ALG13: variants seen among roughly 807,000 people sequenced by gnomAD.
The protein encoded by ALG13 is UDP-N-acetylglucosamine transferase subunit ALG13.
A neutral mutation model predicts 87.8 loss-of-function variants in ALG13; 11 were observed. That is an observed-to-expected ratio of 0.13 (90% CI 0.08 to 0.21). ALG13 has a LOEUF of 0.21. Among genes scored for constraint, ALG13 ranks in the 10% least tolerant of loss-of-function variants. The pLI, the probability that ALG13 is intolerant of heterozygous loss-of-function variation, is 1.00. For synonymous variants in ALG13, 320 were observed against 306.3 expected (o/e 1.04, Z -0.47); for missense variants, 756 against 866.1 (o/e 0.87, Z 1.60).
intron 13 of ALG13, 98 bp downstream of exon 13, chrX:111,722,955 T>A: frequency 1.7e-6 from 1 of 581,301 alleles, no homozygotes; most frequent in Non-Finnish European, 2.7e-6. Context: ...CTAGAAACTT[T>A]TTATTTATAT....
intron 2 of ALG13, 93 bp downstream of exon 2, chrX:111,682,387 GGGCTTGTTACAAA>G: frequency 1.3e-6 from 1 of 742,053 alleles, no homozygotes. Context: ...CAGGATGTGC[GGGCTTGTTACAAA>G]GGTAAACGTG....
chrX:111,688,178 A>C, intron 3 of ALG13: 1 of 824,415 alleles, frequency 1.2e-6, no homozygotes, highest in Non-Finnish European at 1.5e-6. Flanking sequence ...CCAAATCCTA[A>C]TTGCAGTTTA....
chrX:111,758,832 G>C (rs1945491353), intron 26 of ALG13, among the ~76,000 whole-genome samples: 1 of 111,734 alleles, frequency 8.9e-6, no homozygotes, highest in African/African-American at 3.3e-5. Flanking sequence ...AGGTGCGGTG[G>C]TTCACGCCTA....
At chrX:111,719,368 A>G (rs193036317) in intron 10 of ALG13, among the ~76,000 whole-genome samples, 28 of 111,744 alleles carry the variant, frequency 2.5e-4, no homozygotes, top group African/African-American at 8.8e-4. Context: ...AGGAGTGGCA[A>G]CCATGTATTA....
intron 23 of ALG13, among the ~76,000 whole-genome samples, chrX:111,744,086 A>G (rs1944001716): frequency 9.0e-6 from 1 of 111,701 alleles, no homozygotes; most frequent in Non-Finnish European, 1.9e-5. Context: ...AAGCTATAGT[A>G]ACAGGTATAG....
intron 3 of ALG13, among the ~76,000 whole-genome samples, chrX:111,691,853 C>G (rs1443015924): frequency 8.9e-6 from 1 of 112,528 alleles, no homozygotes; most frequent in Admixed American, 9.4e-5. Context: ...GAAACTCTTT[C>G]AATTGGTTTA....
intron 24 of ALG13, among the ~76,000 whole-genome samples, chrX:111,746,988 G>A (rs965247322): frequency 6.3e-5 from 7 of 111,644 alleles, no homozygotes; most frequent in Admixed American, 4.8e-4. Flanking sequence ...CCACATGTCC[G>A]TAGCCTTCCA....
rs1939116478 is a variant in ALG13 at position 111,708,176 on chromosome X, C to T, written c.533C>T (p.Thr178Ile). ...YLHKQALVTA[T>I]HPTCTLLFPS... is the part of the protein sequence containing the mutation. The stretch of plus-strand genomic sequence containing the variant: ...CATAAGCAAGCCCTTGTTACTGCTA[C>T]CCATCCTACCTGCACCCTGCTTTTT... Residue 178 changes from threonine (T) to isoleucine (I), a missense_variant, in exon 4 of 27, where the codon ACC becomes ATC. Physicochemically the swap from Thr to Ile is moderately conservative, Grantham distance 89. This residue lies in a region of ALG13 where 153 missense variants were observed against 168.7 expected (regional missense o/e 0.91). Transcript: ENST00000394780. 2 of 1,209,922 alleles carry T rather than the reference C, an allele frequency of 1.7e-6. No individual in the cohort carries two copies. Among genetic ancestry groups the T allele is most frequent in the South Asian group, 3.5e-5 (2 of 56,841 alleles).
At chrX:111,700,243 T>C (rs887211261) in intron 3 of ALG13, among the ~76,000 whole-genome samples, 4 of 111,473 alleles carry the variant, frequency 3.6e-5, no homozygotes, top group African/African-American at 1.3e-4. Flanking sequence ...TCAACTTTAC[T>C]CATTTTTTTA....
intron 21 of ALG13, among the ~76,000 whole-genome samples, chrX:111,731,620 G>A (rs1602779097): frequency 1.8e-5 from 2 of 112,012 alleles, no homozygotes; most frequent in South Asian, 7.4e-4. Flanking sequence ...AGGCCCAAGG[G>A]TGGTTTTATC....
At chrX:111,750,618 CAGTAT>C (rs1209630529) in intron 24 of ALG13, among the ~76,000 whole-genome samples, 3 of 110,108 alleles carry the variant, frequency 2.7e-5, no homozygotes, top group Non-Finnish European at 3.8e-5. Flanking sequence ...ATTTTTTTAG[CAGTAT>C]TGTATTGTAT....
intron 24 of ALG13, among the ~76,000 whole-genome samples, chrX:111,746,893 TA>T (rs926780294): frequency 8.9e-6 from 1 of 111,753 alleles, no homozygotes; most frequent in African/African-American, 3.2e-5. Context: ...GATCATGTTG[TA>T]AAAAAATCTA....
intron 10 of ALG13, among the ~76,000 whole-genome samples, chrX:111,718,920 G>T (rs1437425781): frequency 9.0e-6 from 1 of 111,124 alleles, no homozygotes; most frequent in Non-Finnish European, 1.9e-5. Context: ...CTAATTCCTA[G>T]TTCTGCCTGC....
At chrX:111,698,363 T>A (rs764871333) in intron 3 of ALG13, among the ~76,000 whole-genome samples, 1 of 111,926 alleles carries the variant, frequency 8.9e-6, no homozygotes, top group African/African-American at 3.2e-5. Context: ...TTACCTATCA[T>A]TTTTTATGGT....
At chrX:111,750,348 T>C (rs759929446) in intron 24 of ALG13, among the ~76,000 whole-genome samples, 1 of 112,068 alleles carries the variant, frequency 8.9e-6, no homozygotes, top group East Asian at 2.8e-4. Context: ...TAACTTTTTT[T>C]CTCTAAGCAT....
intron 8 of ALG13, chrX:111,714,351 C>A (rs12838269): frequency 1.8e-5 from 2 of 109,683 alleles, no homozygotes; most frequent in Non-Finnish European, 3.8e-5. Flanking sequence ...AAAAGCCCTT[C>A]TTTCTGCTTG....
At chrX:111,746,189 A>G (rs1267530761) in intron 24 of ALG13, among the ~76,000 whole-genome samples, 2 of 111,973 alleles carry the variant, frequency 1.8e-5, no homozygotes, top group Non-Finnish European at 1.9e-5. Context: ...CAGTTTACAT[A>G]TAATGAAATG....
At chrX:111,730,494 G>A (rs749281717) in intron 20 of ALG13, 31 bp from the exon 21 acceptor site, 1 of 1,194,313 alleles carries the variant, frequency 8.4e-7, no homozygotes, top group South Asian at 1.8e-5. Context: ...ATAAAATAAT[G>A]CTCATTTTTT....
At chrX:111,731,744 T>C (rs1014462580) in intron 21 of ALG13, among the ~76,000 whole-genome samples, 1 of 112,367 alleles carries the variant, frequency 8.9e-6, no homozygotes, top group African/African-American at 3.2e-5. Flanking sequence ...CTACAGTTCT[T>C]TTCTATAGAT....
Sources: allele counts gnomAD v4.1 joint callset (sites outside exome capture counted in the v4.1 genomes callset), GRCh38; gene constraint gnomAD v4.1.1; regional missense constraint gnomAD v4.1.1; transcripts MANE v1.5; gene names NCBI Gene and HGNC (gene_info 2026-07-23, HGNC 2026-07-21).